Variants in KCNK12 observed in about 807,000 individuals in gnomAD.
KCNK12 encodes the protein potassium channel subfamily K member 12.
KCNK12 carries 6 observed loss-of-function variants against 25.3 expected under a neutral mutation model. The ratio of observed to expected loss-of-function variants is 0.24; its 90% CI spans 0.13 to 0.47. The LOEUF (loss-of-function observed/expected upper bound fraction) is 0.47, where lower values mean the gene tolerates loss of function less well. Among genes scored for constraint, KCNK12 ranks in the 20% least tolerant of loss-of-function variants. The pLI is 0.99. For missense variants in KCNK12, 444 were observed against 661.7 expected (o/e 0.67, Z 3.61); for synonymous variants, 331 against 311.1 (o/e 1.06, Z -0.67).
rs191807529 is a variant in KCNK12 at position 47,542,816 on chromosome 2, A to T, written c.392-21008T>A. ...GCGACAAGCAAGAAAGACATGGGAA[A>T]CTGACAGGTTTTCATCACTGGCTAG... On this transcript the variant is annotated intron_variant, in intron 1 of 1. Transcript: ENST00000327876. Among the ~76,000 whole-genome samples, 1,281 of 152,326 alleles carry T rather than the reference A, an allele frequency of 8.4e-3. 5 individuals are homozygous for T. The highest frequency in any genetic ancestry group is 0.02 in the Middle Eastern group (6 of 294).
In KCNK12 at chr2:47,565,918, T is replaced by G. The variant is rs892099496; in HGVS notation, c.391+4023A>C. 1 of 152,256 alleles carries G rather than the reference T, an allele frequency of 6.6e-6. No individual in the cohort carries two copies. The highest frequency in any genetic ancestry group is 2.4e-5 in the African/African-American group (1 of 41,464). The allele number at this position is 152,256 out of a possible 1,614,324, so 9.4% of individuals were successfully genotyped here. A position where few individuals can be genotyped will look rare whatever the true frequency, so the allele number is the denominator to read the frequency against. Reference sequence around the variant, plus strand: ...CATCTATGATGAGTGATGCTTGTCTTAGATGTTTTTTAATTGGCAGAATGA... The same window carrying G: ...CATCTATGATGAGTGATGCTTGTCTGAGATGTTTTTTAATTGGCAGAATGA... On this transcript the variant is annotated intron_variant, in intron 1 of 1. Transcript: ENST00000327876. This position sits in a 1 kb window ranked among gnomAD's most constrained non-coding sequence, Gnocchi z 5.0.
chr2:47,536,286 G>A (rs1045600198), intron 1 of KCNK12, among the ~76,000 whole-genome samples: 4 of 152,216 alleles, frequency 2.6e-5, no homozygotes, highest in Admixed American at 6.5e-5. Context: ...ACTGTGTGCT[G>A]TCTTGTGACA....
Position 47,542,569 on chromosome 2 carries a change from G to T in KCNK12, c.392-20761C>A, listed in dbSNP as rs116130736. Among the ~76,000 whole-genome samples, 481 of 152,308 alleles carry T rather than the reference G, an allele frequency of 3.2e-3. 3 individuals carry two copies. The highest frequency in any genetic ancestry group is 0.01 in the African/African-American group (429 of 41,566). On this transcript the variant is annotated intron_variant, in intron 1 of 1. Coordinates refer to ENST00000327876, the MANE Select transcript of KCNK12 (RefSeq NM_022055.2). ...CTGGGGTGGGTTCCAGCAACCCTGG[G>T]CCTGTTCTGGGGTCCTGCAGCCAGG...
Position 47,516,820 on chromosome 2 carries a change from A to G in KCNK12, c.*4087T>C, listed in dbSNP as rs1232479292. 6.6e-6 allele frequency: 1 copy of G among 152,228 alleles called. No homozygotes were observed. 9.4% of individuals were successfully genotyped at this position (152,228 alleles called of 1,614,324 possible). Reference sequence around the variant, plus strand: ...CCAGGTCCGAGTGCAGAAATCCTCAATGCATGAGACTAGCGTGGAAGGTGT... The same window carrying G: ...CCAGGTCCGAGTGCAGAAATCCTCAGTGCATGAGACTAGCGTGGAAGGTGT... On this transcript the variant is annotated 3_prime_UTR_variant, in exon 2 of 2. Transcript: ENST00000327876.
rs571026285 is a variant in KCNK12 at position 47,538,502 on chromosome 2, G to A, written c.392-16694C>T. Among the ~76,000 whole-genome samples the A allele has an allele frequency of 2.0e-5, 3 of 152,306 alleles. No homozygotes were observed. Among genetic ancestry groups the A allele is most frequent in the African/African-American group, 7.2e-5 (3 of 41,556 alleles). On this transcript the variant is annotated intron_variant, in intron 1 of 1. Coordinates refer to ENST00000327876, the MANE Select transcript of KCNK12 (RefSeq NM_022055.2). This position sits in a 1 kb window ranked among gnomAD's most constrained non-coding sequence, Gnocchi z 4.5. The stretch of plus-strand genomic sequence containing the variant: ...AGAGTGAAAAAGGACTGGGCATGGT[G>A]GCTCATGTCTGTAATCCCAGCACTT...
At position 47,535,261 on chromosome 2, in the gene KCNK12, C is replaced by T. The variant is rs184779475; in HGVS notation, c.392-13453G>A. 6.0e-5 allele frequency: 14 copies of T among 233,130 alleles called. No individual in the cohort carries two copies. The East Asian group carries it at 8.5e-4, about 14-fold the overall frequency. The allele number at this position is 233,130 out of a possible 1,614,324, so 14.4% of individuals were successfully genotyped here. On this transcript the variant is annotated intron_variant, in intron 1 of 1. Transcript: ENST00000327876. ...AGGTGCTCTAGAGGCCCACGGAGAG[C>T]TGTGTGTCTGCTCTGCTAGCCCGAC...
chr2:47,562,277 G>T lies in KCNK12; in HGVS notation c.391+7664C>A. 1 of 396,438 alleles carries T rather than the reference G, an allele frequency of 2.5e-6. No individual in the cohort carries two copies. 24.6% of individuals were successfully genotyped at this position (396,438 alleles called of 1,614,324 possible). On this transcript the variant is annotated intron_variant, in intron 1 of 1. Transcript: ENST00000327876. The surrounding 1 kb of genome is among the most constrained non-coding windows in gnomAD (Gnocchi z 4.8). ...TTCCTGGTCTGTAACATCTGTTGCT[G>T]TTGAGTATAAAGACACTGTGAACAT...
At chr2:47,522,941 T>A (rs1443565549) in intron 1 of KCNK12, among the ~76,000 whole-genome samples, 1 of 150,308 alleles carries the variant, frequency 6.7e-6, no homozygotes, top group Admixed American at 6.6e-5. Context: ...TCCCTGTTAT[T>A]AAAAAAAAAA....
intron 1 of KCNK12, chr2:47,567,212 A>C (rs772987761): frequency 2.6e-5 from 4 of 152,230 alleles, no homozygotes; most frequent in Admixed American, 6.5e-5. Context: ...TGAATTCCAC[A>C]GCACTGTATG....
Position 47,540,799 on chromosome 2 carries a change from A to ACAAG in KCNK12, c.392-18992_392-18991insCTTG, listed in dbSNP as rs1553379729. Among the ~76,000 whole-genome samples, 1 of 151,338 alleles carries ACAAG rather than the reference A, an allele frequency of 6.6e-6. No individual in the cohort carries two copies. The highest frequency in any genetic ancestry group is 1.5e-5 in the Non-Finnish European group (1 of 67,866). On this transcript the variant is annotated intron_variant, in intron 1 of 1. Coordinates refer to ENST00000327876, the MANE Select transcript of KCNK12 (RefSeq NM_022055.2). This position sits in a 1 kb window ranked among gnomAD's most constrained non-coding sequence, Gnocchi z 5.4. ...AACAAACAAACAAACAAACAAACAA[A>ACAAG]AGCAAGCTGGGCATGGTGGCTCACA...
intron 1 of KCNK12, among the ~76,000 whole-genome samples, chr2:47,522,996 A>G (rs1668692679): frequency 1.3e-5 from 2 of 152,202 alleles, no homozygotes; most frequent in African/African-American, 4.8e-5. Flanking sequence ...CCCAAAATTA[A>G]GTGTCAGTGC....
intron 1 of KCNK12, chr2:47,543,253 CCTA>C (rs1035594378): frequency 2.5e-4 from 38 of 152,046 alleles, no homozygotes; most frequent in African/African-American, 8.9e-4. Context: ...AGCACAGACA[CCTA>C]CATTTTTTTT....
At chr2:47,564,049 A>T in intron 1 of KCNK12, 1 of 231,360 alleles carries the variant, frequency 4.3e-6, no homozygotes, top group Admixed American at 5.6e-5. Flanking sequence ...CTCTCCCAGA[A>T]CTTCCCAAAG....
In KCNK12 at chr2:47,569,763, G is replaced by GGA. The variant is rs1669850529; in HGVS notation, c.391+176_391+177dup. ...GGCTTTCTTCCCTCACTGAAAGCCG[G>GGA]GAGGGAGAGAGAGAGAGAGAACGGG... On this transcript the variant is annotated intron_variant, in intron 1 of 1. Coordinates refer to ENST00000327876, the MANE Select transcript of KCNK12 (RefSeq NM_022055.2). The surrounding 1 kb of genome is among the most constrained non-coding windows in gnomAD (Gnocchi z 4.1). 6.6e-6 allele frequency among the ~76,000 whole-genome samples: 1 copy of GGA among 152,182 alleles called. No individual in the cohort carries two copies. Among genetic ancestry groups the GGA allele is most frequent in the Non-Finnish European group, 1.5e-5 (1 of 68,022 alleles).
rs1668411899 is a variant in KCNK12, at chr2:47,511,929, C to T, written c.*8978G>A. Among the ~76,000 whole-genome samples, 1 of 152,208 alleles carries T rather than the reference C, an allele frequency of 6.6e-6. No individual in the cohort carries two copies. ...TGAAAATGTAGTTTAAATTCACTTACATTTAAATAGCTGTGTGTGGCTTGT... is the reference window on the plus strand; with the variant it reads ...TGAAAATGTAGTTTAAATTCACTTATATTTAAATAGCTGTGTGTGGCTTGT... On this transcript the variant is annotated 3_prime_UTR_variant, in exon 2 of 2. Transcript: ENST00000327876. This position sits in a 1 kb window ranked among gnomAD's most constrained non-coding sequence, Gnocchi z 4.3.
At position 47,515,185 on chromosome 2, in the gene KCNK12, C is replaced by A. The variant is rs1046831120; in HGVS notation, c.*5722G>T. 6.6e-6 allele frequency among the ~76,000 whole-genome samples: 1 copy of A among 152,128 alleles called. No individual in the cohort carries two copies. Among genetic ancestry groups the A allele is most frequent in the African/African-American group, 2.4e-5 (1 of 41,416 alleles). ...TGGGTGACGAGAAATCAGGCCTCTC[C>A]GCCACGGCAGCCTAGCTAATGGGTC... is the stretch of plus-strand genomic sequence containing the variant. On this transcript the variant is annotated 3_prime_UTR_variant, in exon 2 of 2. Coordinates refer to ENST00000327876, the MANE Select transcript of KCNK12 (RefSeq NM_022055.2).
Position 47,521,041 on chromosome 2 carries a change from T to G in KCNK12, c.1159A>C (p.Lys387Gln). ...SNKVSLALLQ[K>Q]QLSETANGYP... ...CCGTTGGCCGTCTCCGACAGCTGCTTCTGCAGCAGCGCCAGCGACACCTTG... is the reference window on the plus strand; with the variant it reads ...CCGTTGGCCGTCTCCGACAGCTGCTGCTGCAGCAGCGCCAGCGACACCTTG... The change falls in exon 2 of 2, where the codon AAG becomes CAG. Residue 387 changes from lysine (K) to glutamine (Q), a missense_variant. This residue lies in a region of KCNK12 where 57 missense variants were observed against 68.9 expected (regional missense o/e 0.83). Coordinates refer to ENST00000327876, the MANE Select transcript of KCNK12 (RefSeq NM_022055.2). 7.2e-7 allele frequency: 1 copy of G among 1,397,514 alleles called. No homozygotes were observed. Among genetic ancestry groups the G allele is most frequent in the Non-Finnish European group, 9.3e-7 (1 of 1,071,694 alleles). 86.6% of individuals were successfully genotyped at this position (1,397,514 alleles called of 1,614,324 possible). A position where few individuals can be genotyped will look rare whatever the true frequency, so the allele number is the denominator to read the frequency against.
In KCNK12 at chr2:47,533,537, C is replaced by T. The variant is rs1668983932; in HGVS notation, c.392-11729G>A. Among the ~76,000 whole-genome samples the T allele has an allele frequency of 6.6e-6, 1 of 152,168 alleles. No homozygotes were observed. The highest frequency in any genetic ancestry group is 2.4e-5 in the African/African-American group (1 of 41,452). Reference sequence around the variant, plus strand: ...TATGGATTTCCATGGCAGGGAAATGCCCCCGTAGGCACAGTCAAGCCTGGC... The same window carrying T: ...TATGGATTTCCATGGCAGGGAAATGTCCCCGTAGGCACAGTCAAGCCTGGC... On this transcript the variant is annotated intron_variant, in intron 1 of 1. Coordinates refer to ENST00000327876, the MANE Select transcript of KCNK12 (RefSeq NM_022055.2). This position sits in a 1 kb window ranked among gnomAD's most constrained non-coding sequence, Gnocchi z 4.7.
chr2:47,562,929 C>T lies in KCNK12; in HGVS notation c.391+7012G>A. The T allele has an allele frequency of 4.3e-6, 1 of 233,440 alleles. No individual in the cohort carries two copies. Among genetic ancestry groups the T allele is most frequent in the Non-Finnish European group, 8.5e-6 (1 of 118,204 alleles). The allele number at this position is 233,440 out of a possible 1,614,324, so 14.5% of individuals were successfully genotyped here. ...CGGATTGCTGGCTGGTGGCCCCATG[C>T]AGAGCCCCCGACCCCGGAAAGTCAG... On this transcript the variant is annotated intron_variant, in intron 1 of 1. Transcript: ENST00000327876. The surrounding 1 kb of genome is among the most constrained non-coding windows in gnomAD (Gnocchi z 4.8).
Sources: gnomAD v4.1 joint callset for allele counts (sites outside exome capture counted in the v4.1 genomes callset) on GRCh38, gnomAD v4.1.1 for gene constraint, gnomAD v4.1.1 regional missense constraint, Gnocchi (gnomAD v3.1) non-coding constraint, MANE v1.5 for transcripts, NCBI Gene and HGNC (gene_info 2026-07-23, HGNC 2026-07-21) for gene names.